Variants in SDK1 observed in about 807,000 individuals in gnomAD.
The protein encoded by SDK1 is sidekick cell adhesion molecule 1, also known as protein sidekick-1.
Under a neutral mutation model 245.5 loss-of-function variants are expected in SDK1, and 157 were observed. The observed-to-expected ratio is 0.64, with a 90% CI of 0.56 to 0.73. The LOEUF (loss-of-function observed/expected upper bound fraction) is 0.73. SDK1 is among the 30% of genes least tolerant of loss of function. The pLI, the probability that SDK1 is intolerant of heterozygous loss-of-function variation, is 0.00. For synonymous variants in SDK1, 1,647 were observed against 1,278.5 expected, an observed-to-expected ratio of 1.29 and a Z score of -6.15; for missense variants, 3,583 against 3,002.3, an observed-to-expected ratio of 1.19 and a Z score of -4.52.
chr7:3,596,475 A>G (rs1781071534), intron 1 of SDK1, among the ~76,000 whole-genome samples: 1 of 152,204 alleles, frequency 6.6e-6, no homozygotes, highest in South Asian at 2.1e-4. Context: ...ATGTACAGAA[A>G]GCATGAAAAG....
At chr7:3,745,502 C>T (rs780415000) in intron 4 of SDK1, among the ~76,000 whole-genome samples, 1 of 151,818 alleles carries the variant, frequency 6.6e-6, no homozygotes, top group Non-Finnish European at 1.5e-5. Flanking sequence ...AAACGTTACT[C>T]AGTTTTCACT....
At chr7:3,513,313 G>A (rs948068640) in intron 1 of SDK1, among the ~76,000 whole-genome samples, 1 of 152,126 alleles carries the variant, frequency 6.6e-6, no homozygotes, top group African/African-American at 2.4e-5. Flanking sequence ...TGACAGAGTC[G>A]AATAAAGAGA....
At chr7:3,924,404 T>C (rs1779698635) in intron 5 of SDK1, among the ~76,000 whole-genome samples, 1 of 152,136 alleles carries the variant, frequency 6.6e-6, no homozygotes, top group South Asian at 2.1e-4. Flanking sequence ...GATGAGTGAA[T>C]GGATGGGGTG....
intron 4 of SDK1, among the ~76,000 whole-genome samples, chr7:3,702,500 G>C (rs1032321307): frequency 4.6e-5 from 7 of 152,126 alleles, no homozygotes; most frequent in African/African-American, 1.7e-4. Flanking sequence ...CTCCACATTA[G>C]GGCCGGATAG....
At chr7:3,654,836 A>C (rs1783113102) in intron 4 of SDK1, among the ~76,000 whole-genome samples, 1 of 152,216 alleles carries the variant, frequency 6.6e-6, no homozygotes, top group Admixed American at 6.5e-5. Flanking sequence ...CTGGAAATAA[A>C]ATACTTCATT....
rs117350311 is a variant in SDK1 at position 3,645,951 on chromosome 7, C to T, written c.713+3846C>T. 5.0e-4 allele frequency among the ~76,000 whole-genome samples: 76 copies of T among 152,106 alleles called. 3 individuals are homozygous for T. In the East Asian group the frequency reaches 0.014, roughly 28 times the overall value. On this transcript the variant is annotated intron_variant, in intron 4 of 44. Transcript: ENST00000404826. Reference sequence around the variant, plus strand: ...TAGGCTCACTGCAACCTCTGCCTCCCGAGGTCAAGCGATGTTCCTACCTCA... The same window carrying T: ...TAGGCTCACTGCAACCTCTGCCTCCTGAGGTCAAGCGATGTTCCTACCTCA...
chr7:4,247,311 C>T (rs1210411941), intron 44 of SDK1, among the ~76,000 whole-genome samples: 5 of 152,114 alleles, frequency 3.3e-5, no homozygotes, highest in African/African-American at 9.7e-5. Context: ...CTTTGCTTTG[C>T]GTGTTCTGTT....
chr7:3,465,367 A>G (rs1252816011), intron 1 of SDK1, among the ~76,000 whole-genome samples: 3 of 152,208 alleles, frequency 2.0e-5, no homozygotes, highest in Admixed American at 6.5e-5. Flanking sequence ...CAAAAATAAA[A>G]ATGAGAAGAA....
At chr7:3,405,501 C>G (rs529895282) in intron 1 of SDK1, among the ~76,000 whole-genome samples, 1 of 152,308 alleles carries the variant, frequency 6.6e-6, no homozygotes, top group South Asian at 2.1e-4. Context: ...TCTGTGCTCT[C>G]TCTAGCTCCC....
intron 4 of SDK1, among the ~76,000 whole-genome samples, chr7:3,722,897 G>C (rs1238899616): frequency 6.6e-6 from 1 of 152,228 alleles, no homozygotes; most frequent in Non-Finnish European, 1.5e-5. Context: ...CTTTCCCCAA[G>C]ATGGAGAGGA....
chr7:4,105,784 C>A (rs1033644785), intron 22 of SDK1, among the ~76,000 whole-genome samples: 3 of 152,220 alleles, frequency 2.0e-5, no homozygotes, highest in Non-Finnish European at 4.4e-5. Context: ...TCTCCAGATT[C>A]CAAAGGAGTC....
intron 5 of SDK1, among the ~76,000 whole-genome samples, chr7:3,843,042 C>G (rs1030865058): frequency 1.3e-5 from 2 of 152,118 alleles, no homozygotes; most frequent in African/African-American, 4.8e-5. Flanking sequence ...CTTAGGAAAA[C>G]CCATGTGTAA....
intron 12 of SDK1, among the ~76,000 whole-genome samples, chr7:3,974,119 G>C (rs1419017113): frequency 6.7e-6 from 1 of 149,452 alleles, no homozygotes; most frequent in Non-Finnish European, 1.5e-5. Context: ...AGGAGGTGGA[G>C]GCTGCAGTGG....
chr7:4,194,298 GTGTATACATGTATACATATA>G (rs917552935), intron 35 of SDK1, among the ~76,000 whole-genome samples: 31 of 99,774 alleles, frequency 3.1e-4, no homozygotes, highest in Non-Finnish European at 6.6e-4. Context: ...ATGCACGTAT[GTGTATACATGTATACATATA>G]TGTATGCACG....
intron 4 of SDK1, among the ~76,000 whole-genome samples, chr7:3,660,768 C>T (rs547472440): frequency 6.6e-6 from 1 of 152,324 alleles, no homozygotes; most frequent in South Asian, 2.1e-4. Context: ...CGGAACTGCA[C>T]TGTTTTACCT....
intron 44 of SDK1, among the ~76,000 whole-genome samples, chr7:4,246,681 C>T (rs973399021): frequency 6.6e-6 from 1 of 152,056 alleles, no homozygotes; most frequent in East Asian, 1.9e-4. Flanking sequence ...GGTCATGTAT[C>T]GGGCTCAGGG....
chr7:3,569,624 A>C (rs186022684), intron 1 of SDK1, among the ~76,000 whole-genome samples: 1 of 152,278 alleles, frequency 6.6e-6, no homozygotes, highest in East Asian at 1.9e-4. Context: ...TTCACTTCCA[A>C]CGTGATCTAC....
rs149653897 is a variant in SDK1 at position 3,934,044 on chromosome 7, G to A, written c.848-16879G>A. On this transcript the variant is annotated intron_variant, in intron 5 of 44. Transcript: ENST00000404826. The stretch of plus-strand genomic sequence containing the variant: ...TCCTGGGGGCATTCACCAGCCGCAC[G>A]GCATCCAGGCAGGCCTCTTTGTAAC... 3.1e-3 allele frequency among the ~76,000 whole-genome samples: 466 copies of A among 152,294 alleles called. 3 individuals are homozygous for A. The highest frequency in any genetic ancestry group is 0.011 in the African/African-American group (439 of 41,570).
At chr7:3,313,204 C>T (rs574516018) in intron 1 of SDK1, among the ~76,000 whole-genome samples, 3 of 152,114 alleles carry the variant, frequency 2.0e-5, no homozygotes, top group African/African-American at 7.2e-5. Flanking sequence ...GTCAAGAGAT[C>T]GAGACCATCC....
Sources: gnomAD v4.1 joint callset for allele counts (sites outside exome capture counted in the v4.1 genomes callset) on GRCh38, gnomAD v4.1.1 for gene constraint, MANE v1.5 for transcripts, NCBI Gene and HGNC (gene_info 2026-07-23, HGNC 2026-07-21) for gene names.